OR2L13: variants seen among roughly 807,000 people sequenced by gnomAD.
OR2L13 encodes the protein olfactory receptor family 2 subfamily L member 13.
OR2L13 carries 14 observed loss-of-function variants against 15.3 expected under a neutral mutation model. The ratio of observed to expected loss-of-function variants is 0.91; its 90% confidence interval spans 0.60 to 1.43. The LOEUF is 1.43. Among genes scored for constraint, OR2L13 ranks in the 40% most tolerant of loss-of-function variants. OR2L13 has a pLI of 0.00. For missense variants in OR2L13, 367 were observed against 387.9 expected (o/e 0.95, Z 0.45); for synonymous variants, 152 against 142.9 (o/e 1.06, Z -0.45).
the OR2L13 span, among the ~76,000 whole-genome samples, chr1:248,070,750 G>C: frequency 6.6e-6 from 1 of 152,088 alleles, no homozygotes; most frequent in Non-Finnish European, 1.5e-5. Context: ...AAGAAGAAAA[G>C]AGAGAAGAAT....
chr1:248,070,579 A>G, the OR2L13 span, among the ~76,000 whole-genome samples: 1 of 152,224 alleles, frequency 6.6e-6, no homozygotes, highest in African/African-American at 2.4e-5. Flanking sequence ...GAGAAGCAAG[A>G]GCAAACAGAT....
the OR2L13 span, among the ~76,000 whole-genome samples, chr1:247,943,909 C>T: frequency 6.6e-6 from 1 of 151,968 alleles, no homozygotes; most frequent in Admixed American, 6.6e-5. Context: ...TGTAAATATC[C>T]ACTTTTCCAA....
At chr1:247,986,429 C>G in the OR2L13 span, among the ~76,000 whole-genome samples, 1 of 152,004 alleles carries the variant, frequency 6.6e-6, no homozygotes, top group African/African-American at 2.4e-5. Flanking sequence ...TGTAGATATG[C>G]GGCATTATTT....
the OR2L13 span, among the ~76,000 whole-genome samples, chr1:248,037,054 C>T: frequency 6.8e-4 from 103 of 152,152 alleles, no homozygotes; most frequent in African/African-American, 2.4e-3. Flanking sequence ...AGAGAGTCTG[C>T]ATTAACTTGA....
chr1:248,026,266 G>A, the OR2L13 span, among the ~76,000 whole-genome samples: 7 of 152,148 alleles, frequency 4.6e-5, no homozygotes, highest in African/African-American at 7.2e-5. Context: ...CTTGAACAAC[G>A]CGGACTTGAA....
chr1:247,940,612 C>T, the OR2L13 span, among the ~76,000 whole-genome samples: 2 of 152,046 alleles, frequency 1.3e-5, no homozygotes, highest in Non-Finnish European at 2.9e-5. Context: ...ATCCAACTCA[C>T]TGTTGATGAG....
At chr1:248,099,652 T>C (rs777405928) in exon 3 of OR2L13, 1 of 1,614,194 alleles carries the variant, frequency 6.2e-7, no homozygotes, top group Non-Finnish European at 8.5e-7. Flanking sequence ...AGGCATCTCC[T>C]TCCTGGGATG....
chr1:248,071,210 T>C, the OR2L13 span, among the ~76,000 whole-genome samples: 1 of 152,044 alleles, frequency 6.6e-6, no homozygotes, highest in African/African-American at 2.4e-5. Context: ...TGATGAACAT[T>C]GATGCAAAAA....
the OR2L13 span, among the ~76,000 whole-genome samples, chr1:248,017,128 A>C: frequency 0.036 from 5,500 of 152,224 alleles, 305 homozygotes; most frequent in African/African-American, 0.13. Context: ...TGACATCATT[A>C]ATGCTGATGC....
the OR2L13 span, among the ~76,000 whole-genome samples, chr1:247,981,970 C>T: frequency 1.1e-4 from 17 of 152,138 alleles, 1 homozygote; most frequent in South Asian, 1.7e-3. Context: ...CTCCCGCCAC[C>T]ACGCCCGGCT....
chr1:248,095,606 G>GTTTTTTTTTTTTTT (rs1476154907), upstream of OR2L13, among the ~76,000 whole-genome samples: 1 of 6,638 alleles, frequency 1.5e-4, no homozygotes, highest in Non-Finnish European at 4.9e-4. Context: ...TAAAGCTGCT[G>GTTTTTTTTTTTTTT]CTTTTTTTTT....
the OR2L13 span, among the ~76,000 whole-genome samples, chr1:248,026,758 C>G: frequency 2.0e-5 from 3 of 151,218 alleles, no homozygotes; most frequent in African/African-American, 7.4e-5. Flanking sequence ...ATTTCATGGA[C>G]ACTTATCACT....
At chr1:248,056,815 A>AT in the OR2L13 span, among the ~76,000 whole-genome samples, 36 of 151,532 alleles carry the variant, frequency 2.4e-4, no homozygotes, top group South Asian at 1.5e-3. Context: ...ACTCGGCTAA[A>AT]TTTTTTTGGA....
chr1:248,087,211 A>C, the OR2L13 span, among the ~76,000 whole-genome samples: 1 of 152,082 alleles, frequency 6.6e-6, no homozygotes, highest in South Asian at 2.1e-4. Context: ...AAAAAAAAAA[A>C]TCTTCTAATA....
chr1:247,960,508 C>G, the OR2L13 span, among the ~76,000 whole-genome samples: 1 of 152,202 alleles, frequency 6.6e-6, no homozygotes. Context: ...TTTCTGCTGC[C>G]TTTTGTTCAG....
chr1:248,083,614 A>G, the OR2L13 span: 1 of 1,331,188 alleles, frequency 7.5e-7, no homozygotes, highest in Non-Finnish European at 1.1e-6. Context: ...TCAGGAACTT[A>G]GAGTCATTTG....
the OR2L13 span, chr1:248,004,049 A>G: frequency 1.2e-6 from 2 of 1,610,622 alleles, no homozygotes; most frequent in Non-Finnish European, 1.7e-6. Context: ...GAGTCAGAGA[A>G]TCTGCTCTGT....
the OR2L13 span, among the ~76,000 whole-genome samples, chr1:247,959,106 C>T: frequency 1.2e-4 from 18 of 152,080 alleles, no homozygotes; most frequent in Admixed American, 1.2e-3. Context: ...ATCTTTAGTG[C>T]TTCCTTCAGG....
At chr1:247,979,324 C>G in the OR2L13 span, among the ~76,000 whole-genome samples, 4 of 152,068 alleles carry the variant, frequency 2.6e-5, no homozygotes, top group African/African-American at 4.8e-5. Flanking sequence ...CCACCACCCC[C>G]CAAAAGGCCC....
Sources: gnomAD v4.1 joint callset for allele counts (sites outside exome capture counted in the v4.1 genomes callset) on GRCh38, gnomAD v4.1.1 for gene constraint, MANE v1.5 for transcripts, NCBI Gene and HGNC (gene_info 2026-07-23, HGNC 2026-07-21) for gene names.